The following CDK5RAP2 variants were observed in gnomAD, a reference collection of about 807,000 sequenced individuals.
CDK5RAP2 encodes the protein CDK5 regulatory subunit-associated protein 2.
In CDK5RAP2, 147 loss-of-function variants were observed where a neutral mutation model predicts 232.9. That is an observed-to-expected ratio of 0.63 (90% confidence interval 0.55 to 0.72). The LOEUF is 0.72. CDK5RAP2 is among the 30% of genes least tolerant of loss of function. The pLI is 0.00. For missense variants in CDK5RAP2, 2,195 were observed against 2,231.5 expected, an observed-to-expected ratio of 0.98 and a Z score of 0.33; for synonymous variants, 833 against 833.7, an observed-to-expected ratio of 1.00 and a Z score of 0.01.
At chr9:120,571,071 T>C (rs112399137) in intron 2 of CDK5RAP2, among the ~76,000 whole-genome samples, 26 of 151,910 alleles carry the variant, frequency 1.7e-4, no homozygotes, top group African/African-American at 4.1e-4. Context: ...AGATGGAGAA[T>C]TGCTTGAGTC....
chr9:120,537,496 C>T (rs1313311193), intron 6 of CDK5RAP2, among the ~76,000 whole-genome samples: 1 of 152,098 alleles, frequency 6.6e-6, no homozygotes, highest in Non-Finnish European at 1.5e-5. Flanking sequence ...CTGTTATTTA[C>T]TAAATGCCAG....
rs766107060 is a variant in CDK5RAP2 at position 120,402,944 on chromosome 9, A to G, written c.5169T>C (p.Asn1723=). ...CAATCAGGCCCAGGACATGGCGGCCATTCTTGCTGGCCCACAGGTGGTGGC... is the reference window on the plus strand; with the variant it reads ...CAATCAGGCCCAGGACATGGCGGCCGTTCTTGCTGGCCCACAGGTGGTGGC... The part of the protein sequence containing the change: ...VTGHHLWASK[N]GRHVLGLIED... Residue 1723 remains asparagine, a synonymous_variant, in exon 34 of 38, where the codon AAT becomes AAC. Coordinates refer to ENST00000349780, the MANE Select transcript of CDK5RAP2 (RefSeq NM_018249.6). 6.2e-7 allele frequency: 1 copy of G among 1,614,146 alleles called. No homozygotes were observed. The highest frequency in any genetic ancestry group is 1.1e-5 in the South Asian group (1 of 91,078).
At chr9:120,389,412 G>A (rs2131175960) in intron 37 of CDK5RAP2, 120 bp from the exon 38 acceptor site, 2 of 799,792 alleles carry the variant, frequency 2.5e-6, no homozygotes, top group South Asian at 2.9e-5. Flanking sequence ...ACATAGTTTG[G>A]TCAGTAAATA....
intron 12 of CDK5RAP2, among the ~76,000 whole-genome samples, chr9:120,506,427 C>T (rs934080910): frequency 2.6e-5 from 4 of 152,226 alleles, no homozygotes; most frequent in Admixed American, 2.6e-4. Context: ...GCTAACACAA[C>T]ATCCATTCCG....
chr9:120,493,814 A>G (rs905966087), intron 12 of CDK5RAP2, among the ~76,000 whole-genome samples: 3 of 152,352 alleles, frequency 2.0e-5, no homozygotes, highest in South Asian at 2.1e-4. Flanking sequence ...TTATTAAACA[A>G]TAAGTTTAAA....
At chr9:120,409,074 G>A (rs1284277203) in intron 30 of CDK5RAP2, 53 bp downstream of exon 30, 3 of 1,540,702 alleles carry the variant, frequency 1.9e-6, no homozygotes, top group Non-Finnish European at 2.7e-6. Context: ...CTGCAGCCCA[G>A]TGCCTGCATG....
At chr9:120,535,390 A>G (rs997988040) in intron 7 of CDK5RAP2, among the ~76,000 whole-genome samples, 1 of 152,258 alleles carries the variant, frequency 6.6e-6, no homozygotes, top group Non-Finnish European at 1.5e-5. Context: ...ACAAGAGTTG[A>G]GGAACCCGGC....
rs546643516 is a variant in CDK5RAP2, at chr9:120,570,009, A to C, written c.128-1621T>G. On this transcript the variant is annotated intron_variant, in intron 2 of 37. Coordinates refer to ENST00000349780, the MANE Select transcript of CDK5RAP2 (RefSeq NM_018249.6). ...TGAGAGAGGAAAGTACACCTTAGTC[A>C]GCCTGGGGAGAGCCAAAAAGGGTGG... Among the ~76,000 whole-genome samples the C allele has an allele frequency of 3.9e-5, 6 of 152,274 alleles. No homozygotes were observed. The South Asian group carries it at 1.2e-3, about 32-fold the overall frequency.
At chr9:120,579,896 C>T (rs1158529447) in intron 1 of CDK5RAP2, 24 bp downstream of exon 1, 3 of 1,602,972 alleles carry the variant, frequency 1.9e-6, no homozygotes, top group East Asian at 4.5e-5. Flanking sequence ...CCGGTTACCA[C>T]GACCACCAAT....
chr9:120,451,174 A>G (rs1224310498), intron 21 of CDK5RAP2, among the ~76,000 whole-genome samples: 1 of 152,198 alleles, frequency 6.6e-6, no homozygotes, highest in Non-Finnish European at 1.5e-5. Flanking sequence ...ATAACACCAC[A>G]CAAAATGCTA....
At chr9:120,538,079 C>T (rs1247210545) in intron 6 of CDK5RAP2, among the ~76,000 whole-genome samples, 1 of 152,136 alleles carries the variant, frequency 6.6e-6, no homozygotes, top group Non-Finnish European at 1.5e-5. Flanking sequence ...TCAGGAGAAC[C>T]TTCATGTGGT....
intron 16 of CDK5RAP2, 108 bp from the exon 17 acceptor site, chr9:120,470,328 AT>A: frequency 1.6e-6 from 1 of 623,710 alleles, no homozygotes; most frequent in South Asian, 2.0e-5. Context: ...AGCAATGTGA[AT>A]GGGGGAGGTG....
intron 5 of CDK5RAP2, among the ~76,000 whole-genome samples, chr9:120,542,510 A>G (rs1022558377): frequency 4.6e-5 from 7 of 152,078 alleles, no homozygotes; most frequent in African/African-American, 7.2e-5. Context: ...AAAAAAAAAA[A>G]AGAGATGGGT....
chr9:120,391,528 C>T (rs1244744269), intron 36 of CDK5RAP2, among the ~76,000 whole-genome samples: 2 of 152,180 alleles, frequency 1.3e-5, no homozygotes, highest in East Asian at 1.9e-4. Context: ...TGGTTTCCAA[C>T]GGTGGCCTCA....
intron 32 of CDK5RAP2, among the ~76,000 whole-genome samples, chr9:120,404,850 G>A (rs1335460273): frequency 6.6e-6 from 1 of 152,204 alleles, no homozygotes; most frequent in Non-Finnish European, 1.5e-5. Context: ...CTGTACAGAT[G>A]ACCTGTGCAA....
chr9:120,571,217 G>A (rs753043584), intron 2 of CDK5RAP2, among the ~76,000 whole-genome samples: 1 of 152,094 alleles, frequency 6.6e-6, no homozygotes, highest in African/African-American at 2.4e-5. Flanking sequence ...AAACATGAAG[G>A]TGCCCTGTAA....
intron 35 of CDK5RAP2, among the ~76,000 whole-genome samples, chr9:120,395,574 A>G (rs1387401266): frequency 6.6e-6 from 1 of 152,226 alleles, no homozygotes; most frequent in Non-Finnish European, 1.5e-5. Context: ...CTGTCAGAAA[A>G]GCACCGTGGC....
intron 19 of CDK5RAP2, among the ~76,000 whole-genome samples, chr9:120,459,743 T>C (rs939538509): frequency 2.6e-5 from 4 of 152,134 alleles, no homozygotes; most frequent in East Asian, 1.9e-4. Context: ...AGCTAAGACT[T>C]TGAATGAGGT....
intron 25 of CDK5RAP2, among the ~76,000 whole-genome samples, chr9:120,426,593 T>C (rs7869596): frequency 6.6e-6 from 1 of 152,158 alleles, no homozygotes; most frequent in Non-Finnish European, 1.5e-5. Context: ...GTGGCCATCC[T>C]CAGAGGCAAA....
Sources: allele counts gnomAD v4.1 joint callset (sites outside exome capture counted in the v4.1 genomes callset), GRCh38; gene constraint gnomAD v4.1.1; transcripts MANE v1.5; gene names NCBI Gene and HGNC (gene_info 2026-07-23, HGNC 2026-07-21).